Variants in CLTC observed in about 807,000 individuals in gnomAD.
CLTC encodes clathrin heavy chain, also known as clathrin heavy chain 1.
CLTC carries 16 observed loss-of-function variants against 195.8 expected under a neutral mutation model. The observed-to-expected ratio is 0.08, with a 90% CI of 0.06 to 0.12. CLTC has a LOEUF of 0.12. CLTC is among the 10% of genes least tolerant of loss of function. CLTC has a pLI of 1.00. For missense variants in CLTC, 796 were observed against 2,027.0 expected (o/e 0.39, Z 11.66); for synonymous variants, 667 against 689.4 (o/e 0.97, Z 0.51).
At chr17:59,638,920 T>C (rs1165636442) in intron 1 of CLTC, among the ~76,000 whole-genome samples, 1 of 152,112 alleles carries the variant, frequency 6.6e-6, no homozygotes, top group Non-Finnish European at 1.5e-5. Context: ...TTAATAGAAG[T>C]TGGAATGGAG....
At chr17:59,657,167 AT>A (rs1400819664) in intron 6 of CLTC, among the ~76,000 whole-genome samples, 2 of 152,158 alleles carry the variant, frequency 1.3e-5, no homozygotes, top group Non-Finnish European at 2.9e-5. Flanking sequence ...GAAAAATGTT[AT>A]GTATATGAAG....
intron 1 of CLTC, among the ~76,000 whole-genome samples, chr17:59,642,661 A>G (rs2032072778): frequency 6.6e-6 from 1 of 152,224 alleles, no homozygotes; most frequent in Non-Finnish European, 1.5e-5. Context: ...TAAATACATT[A>G]TAAGTTACAT....
chr17:59,658,204 A>G (rs9898835), intron 6 of CLTC, among the ~76,000 whole-genome samples: 89,835 of 151,470 alleles, frequency 0.59, 29,226 homozygotes, highest in Non-Finnish European at 0.74. Flanking sequence ...CTCCGTCTCA[A>G]AAAAAAAAAG....
At chr17:59,684,149 G>T in intron 28 of CLTC, 164 bp downstream of exon 28, 1 of 566,830 alleles carries the variant, frequency 1.8e-6, no homozygotes. Context: ...CTAATTAAGT[G>T]CCAAGTTTTC....
At chr17:59,622,398 G>GT (rs925610531) in intron 1 of CLTC, among the ~76,000 whole-genome samples, 5 of 151,980 alleles carry the variant, frequency 3.3e-5, no homozygotes, top group Non-Finnish European at 7.4e-5. Context: ...TAAGCATTTT[G>GT]TTTTTTTGAG....
chr17:59,665,362 A>C (rs2032705702), intron 10 of CLTC, among the ~76,000 whole-genome samples: 1 of 152,242 alleles, frequency 6.6e-6, no homozygotes, highest in Non-Finnish European at 1.5e-5. Flanking sequence ...TGTAGTTTTA[A>C]TACATGCAAA....
chr17:59,691,234 CTCCTT>C (rs2033290555), intron 31 of CLTC, among the ~76,000 whole-genome samples: 1 of 152,144 alleles, frequency 6.6e-6, no homozygotes, highest in Non-Finnish European at 1.5e-5. Flanking sequence ...TGAATTACTG[CTCCTT>C]TCCATTTCAT....
intron 1 of CLTC, among the ~76,000 whole-genome samples, chr17:59,628,539 G>C (rs2031616781): frequency 6.6e-6 from 1 of 152,138 alleles, no homozygotes; most frequent in African/African-American, 2.4e-5. Context: ...AGTTACACCA[G>C]ACTCTCTAAT....
chr17:59,640,775 G>T (rs1285510068), intron 1 of CLTC, among the ~76,000 whole-genome samples: 1 of 151,944 alleles, frequency 6.6e-6, no homozygotes, highest in African/African-American at 2.4e-5. Context: ...TTGTGTAAAT[G>T]ACCACCACTT....
intron 31 of CLTC, 53 bp from the exon 32 acceptor site, chr17:59,693,675 G>A: frequency 6.4e-7 from 1 of 1,565,758 alleles, no homozygotes; most frequent in East Asian, 2.3e-5. Flanking sequence ...CTAACAGTTT[G>A]TCCTGCCTCC....
chr17:59,672,437 G>T (rs919916954), intron 14 of CLTC, among the ~76,000 whole-genome samples: 17 of 73,794 alleles, frequency 2.3e-4, no homozygotes, highest in Admixed American at 6.2e-4. Context: ...GATGACTAGT[G>T]TGTTGATCCA....
In CLTC at chr17:59,625,643, C is replaced by T. The variant is rs7214321; in HGVS notation, c.42+5470C>T. 4.6e-3 allele frequency among the ~76,000 whole-genome samples: 700 copies of T among 152,070 alleles called. 9 individuals carry two copies. Among genetic ancestry groups the T allele is most frequent in the African/African-American group, 0.015 (621 of 41,474 alleles). On this transcript the variant is annotated intron_variant, in intron 1 of 31. Coordinates refer to ENST00000269122, the MANE Select transcript of CLTC (RefSeq NM_004859.4). ...AGCCTGGGTAACAGAGTTAAGACCT[C>T]GTCTCTATATTAAACAAACAAAAAT...
chr17:59,658,045 GA>G (rs879853459), intron 6 of CLTC, among the ~76,000 whole-genome samples: 450 of 151,648 alleles, frequency 3.0e-3, no homozygotes, highest in Non-Finnish European at 4.6e-3. Context: ...CTAAAAATAC[GA>G]AAAAAAATTA....
chr17:59,674,613 T>A, intron 15 of CLTC, 88 bp from the exon 16 acceptor site: 1 of 1,247,914 alleles, frequency 8.0e-7, no homozygotes, highest in Non-Finnish European at 1.1e-6. Context: ...AAAACTGAGC[T>A]TAAAAGCGAT....
rs566162389 is a variant in CLTC, at chr17:59,633,681, T to C, written c.43-10595T>C. On this transcript the variant is annotated intron_variant, in intron 1 of 31. Coordinates refer to ENST00000269122, the MANE Select transcript of CLTC (RefSeq NM_004859.4). ...ATAGGGTAGAAAGATAACATGAATATGTACAATAGTGATGGGGTTGACAGA... is the reference window on the plus strand; with the variant it reads ...ATAGGGTAGAAAGATAACATGAATACGTACAATAGTGATGGGGTTGACAGA... 6.6e-5 allele frequency among the ~76,000 whole-genome samples: 10 copies of C among 152,204 alleles called. No homozygotes were observed. In the East Asian group the frequency reaches 1.9e-3, roughly 29 times the overall value.
At position 59,682,926 on chromosome 17, in the gene CLTC, A is replaced by T; in HGVS notation, c.3785A>T (p.Asp1262Val). Residue 1262 changes from aspartate to valine, a missense_variant, in exon 24 of 32, where the codon GAT (aspartate) becomes GTT (valine). Physicochemically the swap from Asp to Val is radical, Grantham distance 152 (BLOSUM62 -3). This residue lies in a region of CLTC where 102 missense variants were observed against 317.6 expected (regional missense o/e 0.32). Coordinates refer to ENST00000269122, the MANE Select transcript of CLTC (RefSeq NM_004859.4). This position sits in a 1 kb window ranked among gnomAD's most constrained non-coding sequence, Gnocchi z 6.8. ...TTCTAGGTCTGCTTCGCCTGTGTAGATGGGAAAGAATTCCGTCTTGCTCAG... is the reference window on the plus strand; with the variant it reads ...TTCTAGGTCTGCTTCGCCTGTGTAGTTGGGAAAGAATTCCGTCTTGCTCAG... ...TWKEVCFACV[D>V]GKEFRLAQMC... 1 of 1,614,060 alleles carries T rather than the reference A, an allele frequency of 6.2e-7. No homozygotes were observed. Among genetic ancestry groups the T allele is most frequent in the Non-Finnish European group, 8.5e-7 (1 of 1,179,976 alleles).
chr17:59,661,650 T>A lies in CLTC; in HGVS notation c.1368+7T>A. On this transcript the variant is annotated splice_region_variant and intron_variant, in intron 8 of 31. Transcript: ENST00000269122. ...ATGGTTAAAAGAAGATAAGGTACGTTAAATTATGTTGACATAATCTTGCTT... is the reference window on the plus strand; with the variant it reads ...ATGGTTAAAAGAAGATAAGGTACGTAAAATTATGTTGACATAATCTTGCTT... 1.2e-6 allele frequency: 2 copies of A among 1,612,918 alleles called. No individual in the cohort carries two copies. Among genetic ancestry groups the A allele is most frequent in the Non-Finnish European group, 1.7e-6 (2 of 1,178,954 alleles).
rs2032250227 is a variant in CLTC at position 59,648,501 on chromosome 17, G to A, written c.681+100G>A. 1 of 1,110,088 alleles carries A rather than the reference G, an allele frequency of 9.0e-7. No homozygotes were observed. The highest frequency in any genetic ancestry group is 1.6e-5 in the African/African-American group (1 of 64,018). 68.8% of individuals were successfully genotyped at this position (1,110,088 alleles called of 1,614,324 possible). A position where few individuals can be genotyped will look rare whatever the true frequency, so the allele number is the denominator to read the frequency against. On this transcript the variant is annotated intron_variant, in intron 4 of 31. Transcript: ENST00000269122. The surrounding 1 kb of genome is among the most constrained non-coding windows in gnomAD (Gnocchi z 4.5). ...TCAAAATAGCCTTCTCCCTTCCTAA[G>A]TAATTTTAGTATTCACATTTGTGGT... is the stretch of plus-strand genomic sequence containing the variant.
intron 14 of CLTC, among the ~76,000 whole-genome samples, chr17:59,670,285 T>TTG (rs1485814250): frequency 7.8e-6 from 1 of 128,552 alleles, no homozygotes; most frequent in African/African-American, 2.6e-5. Flanking sequence ...GGGTTTTTTT[T>TTG]TTTGTTTTTC....
Sources: gnomAD v4.1 joint callset for allele counts (sites outside exome capture counted in the v4.1 genomes callset) on GRCh38, gnomAD v4.1.1 for gene constraint, gnomAD v4.1.1 regional missense constraint, Gnocchi (gnomAD v3.1) non-coding constraint, MANE v1.5 for transcripts, NCBI Gene and HGNC (gene_info 2026-07-23, HGNC 2026-07-21) for gene names.